Variants in EZH2 observed in about 807,000 individuals in gnomAD.
EZH2 encodes histone-lysine N-methyltransferase EZH2.
EZH2 carries 18 observed loss-of-function variants against 98.4 expected under a neutral mutation model. The observed-to-expected ratio is 0.18, with a 90% CI of 0.13 to 0.27. The LOEUF (loss-of-function observed/expected upper bound fraction) is 0.27, where lower values mean the gene tolerates loss of function less well. Among genes scored for constraint, EZH2 ranks in the 10% least tolerant of loss-of-function variants. The probability of loss-of-function intolerance (pLI) is 1.00; values close to 1 mark genes in which losing one functional copy is unlikely to be tolerated. For missense variants in EZH2, 470 were observed against 935.1 expected, an observed-to-expected ratio of 0.50 and a Z score of 6.49; for synonymous variants, 338 against 312.3, an observed-to-expected ratio of 1.08 and a Z score of -0.87.
chr7:148,882,177 T>A (rs1821104120), intron 1 of EZH2, among the ~76,000 whole-genome samples: 1 of 152,206 alleles, frequency 6.6e-6, no homozygotes, highest in Non-Finnish European at 1.5e-5. Context: ...GCCCGTACAG[T>A]GGTGTCAACA....
chr7:148,818,508 C>A lies in EZH2; in HGVS notation c.1000-391G>T, dbSNP rs73158258. ...TAAAAGTGAATCTTTACAAAAGAAT[C>A]ATATACCTAATGTGCACGGAGTCAG... On this transcript the variant is annotated intron_variant, in intron 9 of 19. Coordinates refer to ENST00000320356, the MANE Select transcript of EZH2 (RefSeq NM_004456.5). Among the ~76,000 whole-genome samples the A allele has an allele frequency of 5.3e-4, 80 of 152,246 alleles. 1 individual carries two copies. Among genetic ancestry groups the A allele is most frequent in the Non-Finnish European group, 1.0e-3 (68 of 68,012 alleles).
intron 3 of EZH2, among the ~76,000 whole-genome samples, chr7:148,838,135 C>G (rs1188521170): frequency 7.5e-6 from 1 of 133,152 alleles, no homozygotes; most frequent in Non-Finnish European, 1.5e-5. Context: ...GTGGTGCAAT[C>G]ATGGCTCACT....
At chr7:148,827,297 A>G in intron 6 of EZH2, 31 bp from the exon 7 acceptor site, 1 of 1,530,154 alleles carries the variant, frequency 6.5e-7, no homozygotes, top group Non-Finnish European at 9.0e-7. Flanking sequence ...GGAAAAAAAG[A>G]ATGGAAGTAA....
At chr7:148,823,528 T>G (rs986148227) in intron 8 of EZH2, among the ~76,000 whole-genome samples, 3 of 151,882 alleles carry the variant, frequency 2.0e-5, no homozygotes, top group Non-Finnish European at 4.4e-5. Context: ...TCAAAGAAAC[T>G]GTAAAAAAAA....
chr7:148,810,857 T>C (rs964635467), intron 16 of EZH2, among the ~76,000 whole-genome samples: 7 of 142,796 alleles, frequency 4.9e-5, no homozygotes, highest in East Asian at 2.0e-4. Flanking sequence ...AATCACGCCA[T>C]TGCACTCCGG....
intron 1 of EZH2, 107 bp from the exon 2 acceptor site, chr7:148,847,412 A>T: frequency 1.5e-6 from 2 of 1,361,654 alleles, no homozygotes; most frequent in East Asian, 2.3e-5. Context: ...AATGACACAT[A>T]TTACACTGTT....
chr7:148,863,656 G>T (rs1043304375), intron 1 of EZH2, among the ~76,000 whole-genome samples: 8 of 151,982 alleles, frequency 5.3e-5, no homozygotes, highest in African/African-American at 1.9e-4. Context: ...TTCCTTAAAT[G>T]ACTCTATTGT....
At chr7:148,870,313 CATT>C (rs768352238) in intron 1 of EZH2, among the ~76,000 whole-genome samples, 2 of 152,120 alleles carry the variant, frequency 1.3e-5, no homozygotes, top group Non-Finnish European at 2.9e-5. Flanking sequence ...ATTTTGCTTG[CATT>C]ATTAATTAAT....
intron 3 of EZH2, among the ~76,000 whole-genome samples, chr7:148,841,977 A>C (rs932294254): frequency 2.0e-5 from 3 of 152,200 alleles, no homozygotes; most frequent in African/African-American, 7.2e-5. Flanking sequence ...AAATCTGTAA[A>C]TATTTAAAAG....
chr7:148,857,046 T>C (rs565664551), intron 1 of EZH2, among the ~76,000 whole-genome samples: 1 of 152,382 alleles, frequency 6.6e-6, no homozygotes, highest in South Asian at 2.1e-4. Flanking sequence ...GCTGTCATTA[T>C]GTACTCCCCG....
Position 148,882,774 on chromosome 7 carries a change from A to G in EZH2, c.-8+1390T>C, listed in dbSNP as rs762180393. On this transcript the variant is annotated intron_variant, in intron 1 of 19. Transcript: ENST00000320356. ...ATAATAACTTGCTTGAACCCTAAAA[A>G]GCAAGCCTTTAAGTAAATAGCAAAG... Among the ~76,000 whole-genome samples, 35 of 152,372 alleles carry G rather than the reference A, an allele frequency of 2.3e-4. 1 individual carries two copies. The South Asian group carries it at 2.9e-3, about 13-fold the overall frequency.
At chr7:148,821,108 A>G (rs1165978771) in intron 8 of EZH2, 1 of 152,054 alleles carries the variant, frequency 6.6e-6, no homozygotes, top group East Asian at 1.9e-4. Flanking sequence ...AAAAATAAAT[A>G]AATAAAGTAG....
intron 1 of EZH2, among the ~76,000 whole-genome samples, chr7:148,883,820 A>G (rs1479654052): frequency 6.6e-6 from 1 of 151,272 alleles, no homozygotes; most frequent in Non-Finnish European, 1.5e-5. Flanking sequence ...GCCACCCTGG[A>G]CCGGGCACCG....
intron 8 of EZH2, among the ~76,000 whole-genome samples, chr7:148,820,574 T>C (rs1584955533): frequency 6.7e-6 from 1 of 148,702 alleles, no homozygotes; most frequent in Non-Finnish European, 1.5e-5. Context: ...AAGGACAAAG[T>C]TGTGTTTTTA....
chr7:148,862,482 A>G (rs1004294522), intron 1 of EZH2, among the ~76,000 whole-genome samples: 3 of 152,220 alleles, frequency 2.0e-5, no homozygotes, highest in African/African-American at 7.2e-5. Flanking sequence ...CTCTGCCAAC[A>G]AATATGGTCA....
intron 3 of EZH2, among the ~76,000 whole-genome samples, chr7:148,838,319 T>G (rs1363238490): frequency 6.6e-6 from 1 of 152,098 alleles, no homozygotes; most frequent in East Asian, 1.9e-4. Context: ...CTTCCCCGCA[T>G]CCTACCTTCA....
chr7:148,873,499 A>G (rs1819719715), intron 1 of EZH2, among the ~76,000 whole-genome samples: 1 of 149,944 alleles, frequency 6.7e-6, no homozygotes, highest in Non-Finnish European at 1.5e-5. Context: ...CTCAAAAAAA[A>G]AAAAAAAAAA....
At chr7:148,810,529 G>T in intron 16 of EZH2, 115 bp from the exon 17 acceptor site, 1 of 626,824 alleles carries the variant, frequency 1.6e-6, no homozygotes. Flanking sequence ...GCAACAAAAA[G>T]GGTCACTACA....
rs917990671 is a variant in EZH2, at chr7:148,854,245, A to T, written c.-7-6940T>A. ...CAGATCATGAGGTCAGGAGATCGAG[A>T]CTAACACAGTGAAACCCCGTCTCTA... On this transcript the variant is annotated intron_variant, in intron 1 of 19. Transcript: ENST00000320356. Among the ~76,000 whole-genome samples the T allele has an allele frequency of 2.6e-5, 4 of 151,838 alleles. No homozygotes were observed. The South Asian group carries it at 8.3e-4, about 32-fold the overall frequency.
Sources: gnomAD v4.1 joint callset for allele counts (sites outside exome capture counted in the v4.1 genomes callset) on GRCh38, gnomAD v4.1.1 for gene constraint, MANE v1.5 for transcripts, NCBI Gene and HGNC (gene_info 2026-07-23, HGNC 2026-07-21) for gene names.